Variants in MAPK7 observed in about 807,000 individuals in gnomAD.
MAPK7 encodes the protein mitogen-activated protein kinase 7.
Under a neutral mutation model 56.9 loss-of-function variants are expected in MAPK7, and 30 were observed. The observed-to-expected ratio is 0.53, with a 90% confidence interval of 0.39 to 0.72. MAPK7 has a LOEUF of 0.72. Ranked by LOEUF, MAPK7 falls within the 30% of genes least tolerant of loss-of-function variation. MAPK7 has a pLI of 0.00. For synonymous variants in MAPK7, 516 were observed against 449.3 expected (o/e 1.15, Z -1.88); for missense variants, 952 against 1,110.8 (o/e 0.86, Z 2.03).
At chr17:19,380,065 C>T (rs974825727) in intron 3 of MAPK7, 118 bp downstream of exon 3, 14 of 1,178,142 alleles carry the variant, frequency 1.2e-5, no homozygotes, top group Admixed American at 6.7e-5. Flanking sequence ...GGAAAATTCC[C>T]GCAGTTCTAG....
At position 19,381,932 on chromosome 17, in the gene MAPK7, G is replaced by A. The variant is rs747074662; in HGVS notation, c.1629G>A (p.Arg543=). Residue 543 remains arginine, a synonymous_variant, in exon 5 of 7, where the codon CGG becomes CGA. Transcript: ENST00000395604. This position sits in a 1 kb window ranked among gnomAD's most constrained non-coding sequence, Gnocchi z 4.6. The part of the protein sequence containing the change: ...KRRQERERKE[R]GAGASGGPST... ...GGCAGGAGCGGGAGCGAAAGGAACG[G>A]GGGGCTGGGGCCTCTGGGGGCCCCT... is the stretch of plus-strand genomic sequence containing the variant. 9.0e-6 allele frequency: 14 copies of A among 1,552,150 alleles called. No homozygotes were observed. Among genetic ancestry groups the A allele is most frequent in the African/African-American group, 4.1e-5 (3 of 73,080 alleles).
chr17:19,381,217 C>G lies in MAPK7; in HGVS notation c.1008C>G (p.Ile336Met), dbSNP rs749325148. 2.5e-6 allele frequency: 4 copies of G among 1,614,148 alleles called. No homozygotes were observed. The highest frequency in any genetic ancestry group is 2.2e-5 in the South Asian group (2 of 91,088). The change falls in exon 4 of 7, where the codon ATC becomes ATG. Residue 336 changes from isoleucine (I) to methionine (M), a missense_variant. Physicochemically the swap from Ile to Met is conservative, Grantham distance 10. This residue lies in a region of MAPK7 where 429 missense variants were observed against 533.0 expected (regional missense o/e 0.80). Coordinates refer to ENST00000395604, the MANE Select transcript of MAPK7 (RefSeq NM_002749.4). The surrounding 1 kb of genome is among the most constrained non-coding windows in gnomAD (Gnocchi z 4.6). ...TGCGTTTTGAGCCCAGCGCTCGCAT[C>G]TCAGCAGCTGCTGCCCTTCGCCACC... ...RMLRFEPSARISAAAALRHPF... is the reference protein window; with the variant it reads ...RMLRFEPSARMSAAAALRHPF...
In MAPK7 at chr17:19,381,185, C is replaced by A; in HGVS notation, c.976C>A (p.Arg326Ser). Reference protein sequence around the residue: ...ADRQALSLLGRMLRFEPSARI... With the variant: ...ADRQALSLLGSMLRFEPSARI... The stretch of plus-strand genomic sequence containing the variant: ...CCGCCAGGCCCTATCACTGCTGGGT[C>A]GCATGCTGCGTTTTGAGCCCAGCGC... Residue 326 changes from arginine to serine, a missense_variant, in exon 4 of 7, where the codon CGC becomes AGC. Arg to Ser is a moderately radical substitution (Grantham distance 110, BLOSUM62 -1). Transcript: ENST00000395604. The surrounding 1 kb of genome is among the most constrained non-coding windows in gnomAD (Gnocchi z 4.6). 1 of 1,614,140 alleles carries A rather than the reference C, an allele frequency of 6.2e-7. No homozygotes were observed. The highest frequency in any genetic ancestry group is 8.5e-7 in the Non-Finnish European group (1 of 1,180,046).
In MAPK7 at chr17:19,382,382, C is replaced by T; in HGVS notation, c.2079C>T (p.Pro693=). 1 of 1,613,530 alleles carries T rather than the reference C, an allele frequency of 6.2e-7. No homozygotes were observed. Among genetic ancestry groups the T allele is most frequent in the Non-Finnish European group, 8.5e-7 (1 of 1,179,994 alleles). ...CTTACTTCCCACCTGGCCTGCCGCCCCCAGACGCCGGGGGAGCCCCTCAGT... is the reference window on the plus strand; with the variant it reads ...CTTACTTCCCACCTGGCCTGCCGCCTCCAGACGCCGGGGGAGCCCCTCAGT... ...VLPYFPPGLP[P]PDAGGAPQSS... The change falls in exon 5 of 7, where the codon CCC becomes CCT. Residue 693 remains proline (P), a synonymous_variant. Coordinates refer to ENST00000395604, the MANE Select transcript of MAPK7 (RefSeq NM_002749.4).
intron 6 of MAPK7, 49 bp downstream of exon 6, chr17:19,382,995 C>G (rs1431008731): frequency 6.2e-7 from 1 of 1,612,970 alleles, no homozygotes; most frequent in Non-Finnish European, 8.5e-7. Context: ...GGGAGAGGTT[C>G]CTGGTGCAGG....
chr17:19,379,181 G>T, intron 2 of MAPK7, 49 bp downstream of exon 2: 4 of 1,539,180 alleles, frequency 2.6e-6, no homozygotes, highest in Non-Finnish European at 3.6e-6. Context: ...GTCGCAGGGA[G>T]TGGGAAACCG....
intron 5 of MAPK7, 136 bp from the exon 6 acceptor site, chr17:19,382,677 G>T: frequency 7.1e-7 from 1 of 1,417,154 alleles, no homozygotes; most frequent in Non-Finnish European, 9.5e-7. Flanking sequence ...CCCAGAGATG[G>T]GGCCAGCCAG....
rs1345305625 is a variant in MAPK7, at chr17:19,383,508, G to T, written c.*277G>T. On this transcript the variant is annotated 3_prime_UTR_variant, in exon 7 of 7. Transcript: ENST00000395604. ...TACACTGTCTTTTTGCCATCAAAAT[G>T]AGGCCTGTGAAATACAAGGTTCCCT... 1.6e-5 allele frequency: 4 copies of T among 245,148 alleles called. No individual in the cohort carries two copies. Among genetic ancestry groups the T allele is most frequent in the Non-Finnish European group, 3.1e-5 (4 of 130,224 alleles). The allele number at this position is 245,148 out of a possible 1,614,324, so 15.2% of individuals were successfully genotyped here. A position where few individuals can be genotyped will look rare whatever the true frequency, so the allele number is the denominator to read the frequency against.
rs765019887 is a variant in MAPK7, at chr17:19,381,445, T to C, written c.1236T>C (p.Pro412=). The C allele has an allele frequency of 2.1e-5, 34 of 1,614,134 alleles. No homozygotes were observed. The highest frequency in any genetic ancestry group is 2.9e-5 in the Non-Finnish European group (34 of 1,180,034). Residue 412 remains proline, a synonymous_variant, in exon 4 of 7, where the codon CCT becomes CCC. Coordinates refer to ENST00000395604, the MANE Select transcript of MAPK7 (RefSeq NM_002749.4). This position sits in a 1 kb window ranked among gnomAD's most constrained non-coding sequence, Gnocchi z 4.6. ...QPSLQPVASE[P]GCPDVEMPSP... ...CTCTACAGCCTGTGGCTAGTGAGCCTGGCTGTCCAGATGTTGAAATGCCCA... is the reference window on the plus strand; with the variant it reads ...CTCTACAGCCTGTGGCTAGTGAGCCCGGCTGTCCAGATGTTGAAATGCCCA...
In MAPK7 at chr17:19,378,888, C is replaced by T. The variant is rs1424736699; in HGVS notation, c.-5-8C>T. The T allele has an allele frequency of 1.3e-6, 2 of 1,554,300 alleles. No individual in the cohort carries two copies. The highest frequency in any genetic ancestry group is 1.7e-6 in the Non-Finnish European group (2 of 1,147,762). On this transcript the variant is annotated splice_polypyrimidine_tract_variant and splice_region_variant and intron_variant, in intron 1 of 6. Coordinates refer to ENST00000395604, the MANE Select transcript of MAPK7 (RefSeq NM_002749.4). The surrounding 1 kb of genome is among the most constrained non-coding windows in gnomAD (Gnocchi z 5.4). ...GGTGGTCCTCTCCTCACCCGAGTCT[C>T]CACACAGACACCATGGCCGAGCCTC... is the stretch of plus-strand genomic sequence containing the variant.
At position 19,381,736 on chromosome 17, in the gene MAPK7, A is replaced by G; in HGVS notation, c.1478-45A>G. 3 of 1,543,030 alleles carry G rather than the reference A, an allele frequency of 1.9e-6. No homozygotes were observed. The highest frequency in any genetic ancestry group is 2.6e-6 in the Non-Finnish European group (3 of 1,147,820). On this transcript the variant is annotated intron_variant, in intron 4 of 6. Coordinates refer to ENST00000395604, the MANE Select transcript of MAPK7 (RefSeq NM_002749.4). The surrounding 1 kb of genome is among the most constrained non-coding windows in gnomAD (Gnocchi z 4.6). ...GCAGAGGGGAGACTTGGACTTGGAC[A>G]AGGCTTCAGGCTTTTACCTTCTCCC...
chr17:19,382,767 C>T, intron 5 of MAPK7, 46 bp from the exon 6 acceptor site: 7 of 1,603,500 alleles, frequency 4.4e-6, no homozygotes, highest in Non-Finnish European at 5.1e-6. Context: ...ACAGGGTGGC[C>T]TACAGACCTC....
In MAPK7 at chr17:19,380,703, A is replaced by G. The variant is rs1912574474; in HGVS notation, c.494A>G (p.Gln165Arg). Residue 165 changes from glutamine to arginine, a missense_variant, in exon 4 of 7, where the codon CAA becomes CGA. By Grantham distance (43) the Gln-to-Arg change is conservative. Around this residue, in one of 5 missense-constraint regions of MAPK7, gnomAD observed 213 missense variants for 243.2 expected, o/e 0.88. Transcript: ENST00000395604. ...TLEHVRYFLY[Q>R]LLRGLKYMHS... ...GAACACGTGCGCTACTTCCTGTACC[A>G]ACTGCTGCGGGGCCTGAAGTACATG... is the stretch of plus-strand genomic sequence containing the variant. 1.2e-6 allele frequency: 2 copies of G among 1,614,040 alleles called. No individual in the cohort carries two copies. The highest frequency in any genetic ancestry group is 1.3e-5 in the African/African-American group (1 of 74,916).
Position 19,382,173 on chromosome 17 carries a change from A to G in MAPK7, c.1870A>G (p.Thr624Ala), listed in dbSNP as rs1300634630. 2.5e-6 allele frequency: 4 copies of G among 1,611,226 alleles called. No homozygotes were observed. Among genetic ancestry groups the G allele is most frequent in the Non-Finnish European group, 2.5e-6 (3 of 1,179,326 alleles). The change falls in exon 5 of 7, where the codon ACC becomes GCC. Residue 624 changes from threonine (T) to alanine (A), a missense_variant. By Grantham distance (58) the Thr-to-Ala change is moderately conservative. Transcript: ENST00000395604. Reference protein sequence around the residue: ...TGPQPQSAGSTSGPVPQPACP... With the variant: ...TGPQPQSAGSASGPVPQPACP... The stretch of plus-strand genomic sequence containing the variant: ...CCCGCAACCACAATCTGCGGGCTCT[A>G]CCTCTGGCCCTGTACCCCAGCCTGC...
rs372317367 is a variant in MAPK7, at chr17:19,382,336, C to G, written c.2033C>G (p.Ser678Cys). The change falls in exon 5 of 7, where the codon TCC becomes TGC. Residue 678 changes from serine to cysteine, a missense_variant. By Grantham distance (112) the Ser-to-Cys change is moderately radical. Around this residue, in one of 5 missense-constraint regions of MAPK7, gnomAD observed 234 missense variants for 210.4 expected, o/e 1.11. Transcript: ENST00000395604. Reference protein sequence around the residue: ...SLVPPPGLPGSSTPGVLPYFP... With the variant: ...SLVPPPGLPGCSTPGVLPYFP... ...GTGCCACCCCCTGGGCTGCCTGGCTCCAGCACCCCAGGAGTTTTGCCTTAC... is the reference window on the plus strand; with the variant it reads ...GTGCCACCCCCTGGGCTGCCTGGCTGCAGCACCCCAGGAGTTTTGCCTTAC... 1 of 1,613,400 alleles carries G rather than the reference C, an allele frequency of 6.2e-7. No individual in the cohort carries two copies. Among genetic ancestry groups the G allele is most frequent in the Admixed American group, 1.7e-5 (1 of 60,026 alleles).
At position 19,381,494 on chromosome 17, in the gene MAPK7, T is replaced by C; in HGVS notation, c.1285T>C (p.Cys429Arg). 1.2e-6 allele frequency: 2 copies of C among 1,613,978 alleles called. No homozygotes were observed. Among genetic ancestry groups the C allele is most frequent in the Non-Finnish European group, 1.7e-6 (2 of 1,179,978 alleles). The change falls in exon 4 of 7, where the codon TGT becomes CGT. Residue 429 changes from cysteine (C) to arginine (R), a missense_variant. Transcript: ENST00000395604. The surrounding 1 kb of genome is among the most constrained non-coding windows in gnomAD (Gnocchi z 4.6). ...CAGTCCCTGGGCTCCCAGTGGGGAC[T>C]GTGCCATGGAGTCTCCACCACCAGC... ...MPSPWAPSGD[C>R]AMESPPPAPP...
chr17:19,381,564 C>T lies in MAPK7; in HGVS notation c.1355C>T (p.Thr452Ile), dbSNP rs926179505. The T allele has an allele frequency of 6.2e-7, 1 of 1,613,706 alleles. No homozygotes were observed. Among genetic ancestry groups the T allele is most frequent in the Non-Finnish European group, 8.5e-7 (1 of 1,180,016 alleles). Residue 452 changes from threonine (T) to isoleucine (I), a missense_variant, in exon 4 of 7, where the codon ACC becomes ATC. Coordinates refer to ENST00000395604, the MANE Select transcript of MAPK7 (RefSeq NM_002749.4). The surrounding 1 kb of genome is among the most constrained non-coding windows in gnomAD (Gnocchi z 4.6). ...PGPAPDTIDL[T>I]LQPPPPVSEP... Reference sequence around the variant, plus strand: ...CCTGCACCTGACACCATTGATCTGACCCTGCAGCCACCTCCACCAGTCAGT... The same window carrying T: ...CCTGCACCTGACACCATTGATCTGATCCTGCAGCCACCTCCACCAGTCAGT...
chr17:19,378,570 G>T lies in MAPK7; in HGVS notation c.-66G>T. On this transcript the variant is annotated 5_prime_UTR_variant, in exon 1 of 7. Coordinates refer to ENST00000395604, the MANE Select transcript of MAPK7 (RefSeq NM_002749.4). The surrounding 1 kb of genome is among the most constrained non-coding windows in gnomAD (Gnocchi z 5.4). Reference sequence around the variant, plus strand: ...AAGTGAGCCACCCTCGGAGACCCCCGCGCTGGGGACGGGAGGCCGGCGAGC... The same window carrying T: ...AAGTGAGCCACCCTCGGAGACCCCCTCGCTGGGGACGGGAGGCCGGCGAGC... 8.3e-7 allele frequency: 1 copy of T among 1,211,490 alleles called. No individual in the cohort carries two copies. Among genetic ancestry groups the T allele is most frequent in the South Asian group, 2.3e-5 (1 of 44,328 alleles). 75.0% of individuals were successfully genotyped at this position (1,211,490 alleles called of 1,614,324 possible).
In MAPK7 at chr17:19,382,037, C is replaced by T. The variant is rs1020132130; in HGVS notation, c.1734C>T (p.Pro578=). 22 of 1,568,130 alleles carry T rather than the reference C, an allele frequency of 1.4e-5. No individual in the cohort carries two copies. The highest frequency in any genetic ancestry group is 4.1e-5 in the African/African-American group (3 of 73,790). ...AACGCTGGACTCGAATGGCCCGGCC[C>T]GCAGCCCCAGCCCTCACCTCTGTGC... ...LLERWTRMAR[P]AAPALTSVPA... is the part of the protein sequence containing the mutation. The change falls in exon 5 of 7, where the codon CCC becomes CCT. Residue 578 remains proline (P), a synonymous_variant. Coordinates refer to ENST00000395604, the MANE Select transcript of MAPK7 (RefSeq NM_002749.4).
Sources: gnomAD v4.1 joint callset for allele counts on GRCh38, gnomAD v4.1.1 for gene constraint, gnomAD v4.1.1 regional missense constraint, Gnocchi (gnomAD v3.1) non-coding constraint, MANE v1.5 for transcripts, NCBI Gene and HGNC (gene_info 2026-07-23, HGNC 2026-07-21) for gene names.